The following FDFT1 variants were observed in gnomAD, a reference collection of about 807,000 sequenced individuals.
FDFT1 encodes squalene synthase.
In FDFT1, 68 loss-of-function variants were observed where a neutral mutation model predicts 46.8. That is an observed-to-expected ratio of 1.45 (90% CI 1.19 to 1.78). The LOEUF is 1.78. FDFT1 is among the 40% of genes most tolerant of loss of function. FDFT1 has a pLI of 0.00. For missense variants in FDFT1, 928 were observed against 524.4 expected (o/e 1.77, Z -7.52); for synonymous variants, 351 against 185.1 (o/e 1.90, Z -7.28).
At chr8:11,829,273 AATG>A (rs1810439609) in intron 5 of FDFT1, among the ~76,000 whole-genome samples, 1 of 152,250 alleles carries the variant, frequency 6.6e-6, no homozygotes, top group Admixed American at 6.5e-5. Flanking sequence ...TAAGTACATT[AATG>A]ATGTTATATA....
upstream of FDFT1, among the ~76,000 whole-genome samples, chr8:11,801,158 G>A (rs1231397685): frequency 1.3e-5 from 2 of 152,168 alleles, no homozygotes; most frequent in African/African-American, 4.8e-5. Context: ...ATAGTGAACA[G>A]CTAGACAAAA....
At chr8:11,827,547 T>C (rs1810169107) in intron 5 of FDFT1, among the ~76,000 whole-genome samples, 1 of 150,250 alleles carries the variant, frequency 6.7e-6, no homozygotes, top group African/African-American at 2.4e-5. Context: ...AGGGAAACAA[T>C]ATTTGCAATT....
chr8:11,815,985 GT>G (rs1808395045), intron 3 of FDFT1, among the ~76,000 whole-genome samples: 3 of 152,144 alleles, frequency 2.0e-5, no homozygotes, highest in Admixed American at 1.3e-4. Flanking sequence ...TTCTTCTAGG[GT>G]TTTTACGGTT....
chr8:11,820,404 A>G (rs1420581025), intron 3 of FDFT1, among the ~76,000 whole-genome samples: 1 of 152,234 alleles, frequency 6.6e-6, no homozygotes, highest in Non-Finnish European at 1.5e-5. Context: ...GGATGTTTAA[A>G]TCTGCAGAAG....
rs934202291 is a variant in FDFT1, at chr8:11,809,384, C to G, written c.198-283C>G. 6.0e-6 allele frequency: 7 copies of G among 1,162,910 alleles called. No individual in the cohort carries two copies. In the South Asian group the frequency reaches 1.8e-4, roughly 30 times the overall value. The allele number at this position is 1,162,910 out of a possible 1,614,324, so 72.0% of individuals were successfully genotyped here. ...TAGTTCGGTCTAAACGTTTGGTCTT[C>G]TGGTCTCCATAGTTCTACATTGGTT... On this transcript the variant is annotated intron_variant, in intron 2 of 7. Transcript: ENST00000220584.
chr8:11,823,799 A>C (rs1288015232), intron 4 of FDFT1, among the ~76,000 whole-genome samples: 1 of 152,148 alleles, frequency 6.6e-6, no homozygotes, highest in Non-Finnish European at 1.5e-5. Context: ...GCTGGAGTGT[A>C]GTGGCATGAT....
intron 5 of FDFT1, among the ~76,000 whole-genome samples, chr8:11,827,875 TAAAACAAAACAAAAC>T (rs368526467): frequency 6.7e-6 from 1 of 148,682 alleles, no homozygotes; most frequent in South Asian, 2.1e-4. Flanking sequence ...CCTTATCTCT[TAAAACAAAACAAAAC>T]AAAACAAAAC....
chr8:11,821,064 T>C (rs111807349), intron 3 of FDFT1, among the ~76,000 whole-genome samples: 2,124 of 152,332 alleles, frequency 0.014, 54 homozygotes, highest in African/African-American at 0.047. Flanking sequence ...CCTAGAATGA[T>C]ACTTGTTACA....
chr8:11,797,470 G>C (rs368851426), upstream of FDFT1, among the ~76,000 whole-genome samples: 3 of 151,816 alleles, frequency 2.0e-5, no homozygotes, highest in Admixed American at 2.0e-4. Context: ...ACTCATCTTT[G>C]TTTTTTCCCA....
At position 11,831,689 on chromosome 8, in the gene FDFT1, A is replaced by C; in HGVS notation, c.1032+19A>C. 3.1e-6 allele frequency: 5 copies of C among 1,596,124 alleles called. No individual in the cohort carries two copies. The highest frequency in any genetic ancestry group is 4.3e-6 in the Non-Finnish European group (5 of 1,163,882). The stretch of plus-strand genomic sequence containing the variant: ...GGAAGAGGTGGGTTTTTATTTAACT[A>C]CTTGGATAATTTGTAGCTACTTTTA... On this transcript the variant is annotated intron_variant, in intron 7 of 7. Transcript: ENST00000220584.
chr8:11,832,575 A>AAAAAAAAT (rs1810963717), intron 7 of FDFT1, among the ~76,000 whole-genome samples: 1 of 139,868 alleles, frequency 7.1e-6, no homozygotes, highest in Non-Finnish European at 1.5e-5. Context: ...AAAAAAAAAA[A>AAAAAAAAT]AGTCTTAGAG....
chr8:11,799,405 G>A (rs1805878767), upstream of FDFT1, among the ~76,000 whole-genome samples: 1 of 152,248 alleles, frequency 6.6e-6, no homozygotes, highest in Non-Finnish European at 1.5e-5. Context: ...GAGCCCTGTG[G>A]CAGTTAGAGC....
upstream of FDFT1, chr8:11,802,651 C>G: frequency 6.6e-6 from 4 of 605,928 alleles, no homozygotes; most frequent in South Asian, 7.7e-5. Context: ...CCGCAGCTAG[C>G]CCCGCTGGCG....
At chr8:11,830,151 C>A in intron 5 of FDFT1, 93 bp from the exon 6 acceptor site, 1 of 1,072,564 alleles carries the variant, frequency 9.3e-7, no homozygotes, top group Non-Finnish European at 1.4e-6. Flanking sequence ...CAGCCTGTAT[C>A]ATAGTTCTTA....
chr8:11,797,663 AAC>A (rs1805701602), upstream of FDFT1, among the ~76,000 whole-genome samples: 4 of 147,714 alleles, frequency 2.7e-5, no homozygotes, highest in Non-Finnish European at 6.0e-5. Flanking sequence ...AAAAAAAAGA[AAC>A]AAACAAAAAA....
At chr8:11,835,374 A>C (rs1811396400) in intron 7 of FDFT1, among the ~76,000 whole-genome samples, 2 of 152,206 alleles carry the variant, frequency 1.3e-5, no homozygotes, top group African/African-American at 4.8e-5. Context: ...TCCACGTCTG[A>C]GTACCAGTGA....
intron 3 of FDFT1, among the ~76,000 whole-genome samples, chr8:11,812,307 C>T (rs149651853): frequency 1.3e-5 from 2 of 152,338 alleles, no homozygotes; most frequent in Non-Finnish European, 2.9e-5. Context: ...TCCATCTCCT[C>T]CAGGTGGGAA....
chr8:11,818,858 A>C (rs1808827019), intron 3 of FDFT1, among the ~76,000 whole-genome samples: 1 of 152,054 alleles, frequency 6.6e-6, no homozygotes, highest in Non-Finnish European at 1.5e-5. Context: ...CTTATATTTA[A>C]GGTTAATATT....
intron 3 of FDFT1, among the ~76,000 whole-genome samples, chr8:11,818,564 G>GT (rs1327557993): frequency 1.1e-4 from 17 of 152,268 alleles, no homozygotes; most frequent in African/African-American, 3.1e-4. Context: ...GTACATATAT[G>GT]TTTAAGATAG....
Sources: gnomAD v4.1 joint callset for allele counts (sites outside exome capture counted in the v4.1 genomes callset) on GRCh38, gnomAD v4.1.1 for gene constraint, MANE v1.5 for transcripts, NCBI Gene and HGNC (gene_info 2026-07-23, HGNC 2026-07-21) for gene names.